SH3GL2: variants seen among roughly 807,000 people sequenced by gnomAD.
The protein encoded by SH3GL2 is endophilin-A1.
Under a neutral mutation model 46.0 loss-of-function variants are expected in SH3GL2, and 24 were observed. The observed-to-expected ratio is 0.52, with a 90% confidence interval of 0.38 to 0.73. The LOEUF is 0.73. Among genes scored for constraint, SH3GL2 ranks in the 30% least tolerant of loss-of-function variants. SH3GL2 has a pLI of 0.00. For synonymous variants in SH3GL2, 196 were observed against 147.1 expected (o/e 1.33, Z -2.40); for missense variants, 413 against 424.2 (o/e 0.97, Z 0.23).
chr9:17,620,440 A>G (rs1819111229), intron 1 of SH3GL2, among the ~76,000 whole-genome samples: 1 of 152,166 alleles, frequency 6.6e-6, no homozygotes, highest in African/African-American at 2.4e-5. Context: ...CAACAACCCT[A>G]TGAGGTAGAT....
At chr9:17,789,650 C>T (rs773449240) in intron 6 of SH3GL2, 100 bp downstream of exon 6, 2 of 1,535,084 alleles carry the variant, frequency 1.3e-6, no homozygotes, top group Non-Finnish European at 8.8e-7. Flanking sequence ...TCTGATTACA[C>T]TATGTGATAA....
chr9:17,795,205 C>T lies in SH3GL2; in HGVS notation c.860-339C>T, dbSNP rs1824241953. 4.6e-5 allele frequency among the ~76,000 whole-genome samples: 7 copies of T among 152,150 alleles called. No individual in the cohort carries two copies. The South Asian group carries it at 1.2e-3, about 27-fold the overall frequency. On this transcript the variant is annotated intron_variant, in intron 8 of 8. Transcript: ENST00000380607. ...ATTATATTCTTCTTAAGTCATTGTC[C>T]CTCCTATTTCTGGGCATTATCACGA...
intron 1 of SH3GL2, among the ~76,000 whole-genome samples, chr9:17,648,324 G>A (rs577000077): frequency 6.6e-6 from 1 of 152,168 alleles, no homozygotes; most frequent in Non-Finnish European, 1.5e-5. Flanking sequence ...CAAAGGTGCT[G>A]TACAAAGATG....
At chr9:17,712,318 A>C (rs890106768) in intron 1 of SH3GL2, among the ~76,000 whole-genome samples, 1 of 151,836 alleles carries the variant, frequency 6.6e-6, no homozygotes, top group Admixed American at 6.6e-5. Flanking sequence ...TTTGATAAAA[A>C]TCTAGTTCAT....
At chr9:17,630,175 G>C (rs148889660) in intron 1 of SH3GL2, among the ~76,000 whole-genome samples, 1 of 152,286 alleles carries the variant, frequency 6.6e-6, no homozygotes, top group South Asian at 2.1e-4. Flanking sequence ...TGAGCAATAA[G>C]TGAGCACATG....
intron 1 of SH3GL2, among the ~76,000 whole-genome samples, chr9:17,726,973 A>C (rs149220195): frequency 6.6e-6 from 1 of 152,148 alleles, no homozygotes; most frequent in Non-Finnish European, 1.5e-5. Flanking sequence ...TCCAGGGAAA[A>C]CTGTCACTCA....
At chr9:17,710,179 A>G (rs143137801) in intron 1 of SH3GL2, among the ~76,000 whole-genome samples, 1 of 151,966 alleles carries the variant, frequency 6.6e-6, no homozygotes, top group Non-Finnish European at 1.5e-5. Context: ...ACAAGATCTC[A>G]TGGTTTAAAA....
chr9:17,682,778 A>G (rs73645130), intron 1 of SH3GL2, among the ~76,000 whole-genome samples: 3,741 of 152,210 alleles, frequency 0.025, 64 homozygotes, highest in South Asian at 0.031. Context: ...TCTAAGAGGT[A>G]GCATTTTAAC....
At chr9:17,769,367 T>A (rs1293070883) in intron 3 of SH3GL2, among the ~76,000 whole-genome samples, 4 of 152,234 alleles carry the variant, frequency 2.6e-5, no homozygotes, top group African/African-American at 9.6e-5. Context: ...TTGTTCACTA[T>A]ACTGCCTTTT....
At chr9:17,690,564 A>G (rs912504511) in intron 1 of SH3GL2, among the ~76,000 whole-genome samples, 1 of 152,002 alleles carries the variant, frequency 6.6e-6, no homozygotes, top group Non-Finnish European at 1.5e-5. Flanking sequence ...GAGGCCCACC[A>G]AGCTCCTGTG....
intron 1 of SH3GL2, among the ~76,000 whole-genome samples, chr9:17,687,057 C>A (rs1820933169): frequency 6.6e-6 from 1 of 151,978 alleles, no homozygotes; most frequent in African/African-American, 2.4e-5. Flanking sequence ...AGAATGATCC[C>A]AGACTGAAGA....
At chr9:17,637,594 A>G (rs1819569600) in intron 1 of SH3GL2, among the ~76,000 whole-genome samples, 1 of 152,216 alleles carries the variant, frequency 6.6e-6, no homozygotes. Flanking sequence ...TTATCTTTGG[A>G]CACACAAGTG....
intron 1 of SH3GL2, among the ~76,000 whole-genome samples, chr9:17,605,557 G>A (rs1260901386): frequency 6.6e-6 from 1 of 152,136 alleles, no homozygotes; most frequent in Non-Finnish European, 1.5e-5. Flanking sequence ...TATAGTCCTA[G>A]TACCTGAGAG....
intron 1 of SH3GL2, chr9:17,630,366 C>T (rs1819392088): frequency 2.6e-5 from 4 of 152,234 alleles, no homozygotes; most frequent in African/African-American, 7.2e-5. Context: ...TTCCAAAAAA[C>T]AGTATTCTTG....
intron 1 of SH3GL2, among the ~76,000 whole-genome samples, chr9:17,731,432 A>G (rs565419524): frequency 1.3e-5 from 2 of 151,594 alleles, no homozygotes; most frequent in East Asian, 3.9e-4. Flanking sequence ...AGAGAGAGAG[A>G]GAGAAAGAGA....
At chr9:17,591,002 C>G (rs1192659354) in intron 1 of SH3GL2, 1 of 152,208 alleles carries the variant, frequency 6.6e-6, no homozygotes, top group South Asian at 2.1e-4. Flanking sequence ...AAGTGATATG[C>G]CTTCCTTGGC....
At chr9:17,617,288 G>T (rs1819027213) in intron 1 of SH3GL2, among the ~76,000 whole-genome samples, 1 of 152,152 alleles carries the variant, frequency 6.6e-6, no homozygotes, top group Non-Finnish European at 1.5e-5. Context: ...ATATATGTAG[G>T]TTTGTTAAGA....
intron 1 of SH3GL2, among the ~76,000 whole-genome samples, chr9:17,601,132 C>T (rs1054661358): frequency 1.3e-5 from 2 of 152,174 alleles, no homozygotes; most frequent in East Asian, 1.9e-4. Flanking sequence ...CAGTGCTCAA[C>T]GTCTTCACCT....
intron 1 of SH3GL2, among the ~76,000 whole-genome samples, chr9:17,637,878 C>A (rs552601384): frequency 1.3e-5 from 2 of 152,092 alleles, no homozygotes; most frequent in Non-Finnish European, 2.9e-5. Flanking sequence ...TGATTTCAGC[C>A]GGGCGCGGTG....
Sources: gnomAD v4.1 joint callset for allele counts (sites outside exome capture counted in the v4.1 genomes callset) on GRCh38, gnomAD v4.1.1 for gene constraint, MANE v1.5 for transcripts, NCBI Gene and HGNC (gene_info 2026-07-23, HGNC 2026-07-21) for gene names.